The following ZNF540 variants were observed in gnomAD, a reference collection of about 807,000 sequenced individuals.
ZNF540 encodes zinc finger protein 540, also known as CTD-3064H18.6.
A neutral mutation model predicts 11.8 loss-of-function variants in ZNF540; 3 were observed. The observed-to-expected ratio is 0.25, with a 90% CI of 0.12 to 0.65. The LOEUF (loss-of-function observed/expected upper bound fraction) is 0.65. Among genes scored for constraint, ZNF540 ranks in the 30% least tolerant of loss-of-function variants. The pLI is 0.83. For synonymous variants in ZNF540, 247 were observed against 259.0 expected, an observed-to-expected ratio of 0.95 and a Z score of 0.45; for missense variants, 709 against 793.1, an observed-to-expected ratio of 0.89 and a Z score of 1.27.
chr19:37,591,986 G>A (rs745817767), upstream of ZNF540, among the ~76,000 whole-genome samples: 2 of 152,008 alleles, frequency 1.3e-5, no homozygotes, highest in Non-Finnish European at 2.9e-5. Flanking sequence ...GGCCAGGCGC[G>A]GTGCCTCACA....
chr19:37,600,912 A>T, intron 3 of ZNF540, 98 bp from the exon 4 acceptor site: 1 of 1,023,324 alleles, frequency 9.8e-7, no homozygotes, highest in Non-Finnish European at 1.4e-6. Flanking sequence ...CTTCATCGAA[A>T]TCATGTTGAT....
Position 37,614,175 on chromosome 19 carries a change from C to G in ZNF540, c.*912C>G. The G allele has an allele frequency of 3.8e-6, 1 of 261,266 alleles. No individual in the cohort carries two copies. The highest frequency in any genetic ancestry group is 7.1e-6 in the Non-Finnish European group (1 of 140,176). The allele number at this position is 261,266 out of a possible 1,614,324, so 16.2% of individuals were successfully genotyped here. A position where few individuals can be genotyped will look rare whatever the true frequency, so the allele number is the denominator to read the frequency against. On this transcript the variant is annotated 3_prime_UTR_variant, in exon 5 of 5. Coordinates refer to ENST00000316433, the MANE Select transcript of ZNF540 (RefSeq NM_001172225.3). The stretch of plus-strand genomic sequence containing the variant: ...TAGAATATAAATAAAATGTAAAGAT[C>G]TAAATTCAGACCTCATTGCTTAAGT...
In ZNF540 at chr19:37,612,118, T is replaced by A. The variant is rs1458332777; in HGVS notation, c.838T>A (p.Phe280Ile). 2 of 1,611,662 alleles carry A rather than the reference T, an allele frequency of 1.2e-6. No individual in the cohort carries two copies. The highest frequency in any genetic ancestry group is 2.2e-5 in the South Asian group (2 of 90,678). ...PYMCKKCDKG[F>I]FSRLELTQHK... is the part of the protein sequence containing the mutation. ...TATGTGTAAGAAATGTGATAAGGGT[T>A]TTTTTAGTAGATTAGAACTTACTCA... is the stretch of plus-strand genomic sequence containing the variant. Residue 280 changes from phenylalanine (F) to isoleucine (I), a missense_variant, in exon 5 of 5, where the codon TTT becomes ATT. Transcript: ENST00000316433.
chr19:37,610,292 G>T (rs1345565579), intron 4 of ZNF540, among the ~76,000 whole-genome samples: 1 of 152,178 alleles, frequency 6.6e-6, no homozygotes, highest in Admixed American at 6.5e-5. Flanking sequence ...TGTACAGTCA[G>T]TTGTTTAATG....
At chr19:37,565,836 T>C in intron 1 of ZNF540, 2 of 1,613,870 alleles carry the variant, frequency 1.2e-6, no homozygotes, top group Non-Finnish European at 1.7e-6. Flanking sequence ...CCACATTCCA[T>C]ACACTCATAA....
intron 1 of ZNF540, among the ~76,000 whole-genome samples, chr19:37,556,956 G>A (rs757552679): frequency 1.3e-5 from 2 of 152,248 alleles, no homozygotes; most frequent in East Asian, 1.9e-4. Flanking sequence ...AATGTTTAAC[G>A]CCTTACTGAC....
At chr19:37,580,425 T>G (rs974359865) in intron 1 of ZNF540, among the ~76,000 whole-genome samples, 5 of 152,262 alleles carry the variant, frequency 3.3e-5, no homozygotes, top group African/African-American at 4.8e-5. Flanking sequence ...TTAGCTTGAC[T>G]TTCTTTCCAC....
chr19:37,589,915 C>T (rs944500408), upstream of ZNF540, among the ~76,000 whole-genome samples: 1 of 106,864 alleles, frequency 9.4e-6, no homozygotes, highest in African/African-American at 3.6e-5. Context: ...CATGAGGAAA[C>T]ATCAAACACA....
chr19:37,555,643 T>C, intron 1 of ZNF540: 3 of 485,544 alleles, frequency 6.2e-6, no homozygotes, highest in Non-Finnish European at 1.1e-5. Flanking sequence ...TTAAATCAAC[T>C]TTGTTAGGGG....
At chr19:37,584,689 G>A (rs570871628) in intron 1 of ZNF540, among the ~76,000 whole-genome samples, 6 of 152,230 alleles carry the variant, frequency 3.9e-5, no homozygotes, top group South Asian at 4.2e-4. Flanking sequence ...TCGGCCGGGC[G>A]CGGTGGCTCA....
intron 1 of ZNF540, among the ~76,000 whole-genome samples, chr19:37,553,424 C>T (rs147361329): frequency 6.7e-4 from 102 of 152,150 alleles, no homozygotes; most frequent in African/African-American, 2.2e-3. Context: ...TCAGCCACCA[C>T]GCCTGGCTTT....
chr19:37,605,078 G>A (rs143699410), intron 4 of ZNF540, among the ~76,000 whole-genome samples: 248 of 152,328 alleles, frequency 1.6e-3, no homozygotes, highest in African/African-American at 5.8e-3. Flanking sequence ...GCTATTATGA[G>A]TGCTTGTTTA....
chr19:37,579,026 G>A (rs557415021), intron 1 of ZNF540, among the ~76,000 whole-genome samples: 1 of 151,792 alleles, frequency 6.6e-6, no homozygotes, highest in African/African-American at 2.4e-5. Context: ...AAGGCCCACA[G>A]CACAGCCGCC....
intron 1 of ZNF540, chr19:37,564,114 T>C (rs1182514582): frequency 6.6e-6 from 1 of 152,312 alleles, no homozygotes; most frequent in East Asian, 1.9e-4. Flanking sequence ...TAAAATAAAG[T>C]ATCTGTTGTT....
chr19:37,603,279 G>A lies in ZNF540; in HGVS notation c.232+2174G>A, dbSNP rs550640905. Among the ~76,000 whole-genome samples the A allele has an allele frequency of 2.2e-4, 33 of 152,204 alleles. No individual in the cohort carries two copies. In the East Asian group the frequency reaches 5.4e-3, roughly 25 times the overall value. On this transcript the variant is annotated intron_variant, in intron 4 of 4. Coordinates refer to ENST00000316433, the MANE Select transcript of ZNF540 (RefSeq NM_001172225.3). ...ATCTTGGCCTCCCAAAGTGCTGGGCGTGAGCCACCATGCCTGGCCAGGAGT... is the reference window on the plus strand; with the variant it reads ...ATCTTGGCCTCCCAAAGTGCTGGGCATGAGCCACCATGCCTGGCCAGGAGT...
At chr19:37,588,868 C>T (rs920699977) in intron 1 of ZNF540, among the ~76,000 whole-genome samples, 12 of 151,706 alleles carry the variant, frequency 7.9e-5, no homozygotes, top group African/African-American at 2.9e-4. Context: ...TAACACATAC[C>T]CAAATTAACT....
At chr19:37,587,856 C>T (rs1000800438) in intron 1 of ZNF540, among the ~76,000 whole-genome samples, 5 of 152,068 alleles carry the variant, frequency 3.3e-5, no homozygotes, top group South Asian at 2.1e-4. Flanking sequence ...CAGTGGCTCA[C>T]GCCTGTAGTC....
Position 37,611,859 on chromosome 19 carries a change from G to A in ZNF540, c.579G>A (p.Gly193=). 6.2e-7 allele frequency: 1 copy of A among 1,613,906 alleles called. No homozygotes were observed. The change falls in exon 5 of 5, where the codon GGG becomes GGA. Residue 193 remains glycine (G), a synonymous_variant. Coordinates refer to ENST00000316433, the MANE Select transcript of ZNF540 (RefSeq NM_001172225.3). ...TGAAACATGATTGTAAAGAATGTGG[G>A]AGTACTTTTAATAATGTCTATCAGC... ...SDVKHDCKEC[G]STFNNVYQLT... is the part of the protein sequence containing the mutation.
intron 1 of ZNF540, chr19:37,555,174 A>G (rs1315149051): frequency 5.9e-5 from 9 of 152,238 alleles, no homozygotes; most frequent in African/African-American, 1.9e-4. Context: ...TGAAAGAGCC[A>G]AGATGGAGTC....
Sources: gnomAD v4.1 joint callset for allele counts (sites outside exome capture counted in the v4.1 genomes callset) on GRCh38, gnomAD v4.1.1 for gene constraint, MANE v1.5 for transcripts, NCBI Gene and HGNC (gene_info 2026-07-23, HGNC 2026-07-21) for gene names.